The following ASH1L variants were observed in gnomAD, a reference collection of about 807,000 sequenced individuals.
ASH1L encodes ASH1 like histone lysine methyltransferase, also known as histone-lysine N-methyltransferase ASH1L.
Under a neutral mutation model 269.0 loss-of-function variants are expected in ASH1L, and 23 were observed. That is an observed-to-expected ratio of 0.09 (90% CI 0.06 to 0.12). The LOEUF (loss-of-function observed/expected upper bound fraction) is 0.12, where lower values mean the gene tolerates loss of function less well. Among genes scored for constraint, ASH1L ranks in the 10% least tolerant of loss-of-function variants. The pLI, the probability that ASH1L is intolerant of heterozygous loss-of-function variation, is 1.00. For synonymous variants in ASH1L, 1,187 were observed against 1,253.5 expected, an observed-to-expected ratio of 0.95 and a Z score of 1.12; for missense variants, 2,912 against 3,567.8, an observed-to-expected ratio of 0.82 and a Z score of 4.68.
chr1:155,548,889 A>T (rs1368307029), intron 1 of ASH1L, among the ~76,000 whole-genome samples: 2 of 152,178 alleles, frequency 1.3e-5, no homozygotes, highest in African/African-American at 2.4e-5. Context: ...TTAAACACTT[A>T]GTAGAAATCT....
intron 4 of ASH1L, among the ~76,000 whole-genome samples, chr1:155,453,291 GC>G (rs2148659808): frequency 6.6e-6 from 1 of 152,214 alleles, no homozygotes; most frequent in East Asian, 1.9e-4. Flanking sequence ...GGAGGCAAAG[GC>G]TGCAGTGAGC....
At chr1:155,413,620 A>C (rs1283607472) in intron 6 of ASH1L, among the ~76,000 whole-genome samples, 1 of 152,074 alleles carries the variant, frequency 6.6e-6, no homozygotes, top group East Asian at 1.9e-4. Flanking sequence ...CAAACAAACA[A>C]ACCAGAAAAC....
chr1:155,365,286 A>T (rs1571007652), intron 12 of ASH1L, among the ~76,000 whole-genome samples: 1 of 151,172 alleles, frequency 6.6e-6, no homozygotes, highest in Non-Finnish European at 1.5e-5. Context: ...GCTCACTGCA[A>T]CCTCCACCTC....
At chr1:155,452,569 C>CTTTTTTTTTTTTTTGGTTTTTTT (rs1571251711) in intron 4 of ASH1L, among the ~76,000 whole-genome samples, 1 of 127,320 alleles carries the variant, frequency 7.9e-6, no homozygotes. Flanking sequence ...TTTTTTTTTC[C>CTTTTTTTTTTTTTTGGTTTTTTT]TTTTTGAGAC....
At chr1:155,367,020 G>T (rs1655493480) in intron 12 of ASH1L, among the ~76,000 whole-genome samples, 2 of 140,338 alleles carry the variant, frequency 1.4e-5, no homozygotes, top group South Asian at 2.3e-4. Context: ...TTGAGATGGA[G>T]TCTTGCTCTG....
At chr1:155,415,177 A>C (rs966618425) in intron 6 of ASH1L, among the ~76,000 whole-genome samples, 1 of 151,944 alleles carries the variant, frequency 6.6e-6, no homozygotes, top group African/African-American at 2.4e-5. Flanking sequence ...AGGTCAGGAG[A>C]TCTAGACCAT....
At chr1:155,560,633 G>C (rs570934987) in intron 1 of ASH1L, among the ~76,000 whole-genome samples, 11 of 152,030 alleles carry the variant, frequency 7.2e-5, no homozygotes, top group African/African-American at 1.7e-4. Context: ...TTATCCTCAC[G>C]CCAAGGCATG....
intron 4 of ASH1L, among the ~76,000 whole-genome samples, chr1:155,451,487 C>T (rs575990941): frequency 2.6e-5 from 4 of 151,964 alleles, no homozygotes; most frequent in East Asian, 2.0e-4. Context: ...TAGGCAGGCG[C>T]GGTGGCTCAC....
At chr1:155,434,049 G>A (rs1425951541) in intron 5 of ASH1L, 8 of 1,592,366 alleles carry the variant, frequency 5.0e-6, no homozygotes, top group Non-Finnish European at 6.8e-6. Flanking sequence ...CAATCAAGCA[G>A]CGACTATGCA....
At chr1:155,527,361 T>A (rs1399501097) in intron 1 of ASH1L, among the ~76,000 whole-genome samples, 1 of 152,074 alleles carries the variant, frequency 6.6e-6, no homozygotes, top group African/African-American at 2.4e-5. Flanking sequence ...ACATACTGAT[T>A]ATACTTTCAC....
At chr1:155,374,581 C>T (rs975837102) in intron 10 of ASH1L, among the ~76,000 whole-genome samples, 1 of 152,178 alleles carries the variant, frequency 6.6e-6, no homozygotes, top group Non-Finnish European at 1.5e-5. Flanking sequence ...CTTTACTCTT[C>T]CGTTTGCTGA....
rs773833326 is a variant in ASH1L at position 155,482,088 on chromosome 1, G to C, written c.782C>G (p.Ser261Cys). The C allele has an allele frequency of 1.2e-6, 2 of 1,614,008 alleles. No homozygotes were observed. The highest frequency in any genetic ancestry group is 1.3e-5 in the African/African-American group (1 of 74,902). Residue 261 changes from serine (S) to cysteine (C), a missense_variant, in exon 3 of 28, where the codon TCT becomes TGT. By Grantham distance (112) the Ser-to-Cys change is moderately radical (BLOSUM62 -1). Around this residue, in one of 13 missense-constraint regions of ASH1L, gnomAD observed 277 missense variants for 367.7 expected, o/e 0.75. Transcript: ENST00000392403. ...GTCCTTATGTATTATTCCAGCTACA[G>C]AGCCAACACCTGCTTTCCTGATCAA... ...KDLIRKAGVG[S>C]VAGIIHKDLI...
intron 4 of ASH1L, 104 bp from the exon 5 acceptor site, chr1:155,439,172 A>G (rs1662346160): frequency 1.2e-5 from 14 of 1,196,984 alleles, no homozygotes; most frequent in Non-Finnish European, 1.5e-5. Context: ...TTTCCATAGC[A>G]AGATTACACA....
intron 6 of ASH1L, 127 bp from the exon 7 acceptor site, chr1:155,395,680 C>A (rs1396881596): frequency 3.6e-6 from 2 of 559,916 alleles, no homozygotes; most frequent in Admixed American, 4.0e-5. Flanking sequence ...AAAAAAAAAT[C>A]TTTACTTCTG....
intron 8 of ASH1L, among the ~76,000 whole-genome samples, chr1:155,379,774 T>C (rs917506368): frequency 2.6e-5 from 4 of 152,156 alleles, no homozygotes; most frequent in Non-Finnish European, 5.9e-5. Flanking sequence ...CAGAACAAAA[T>C]CTTTGCTACC....
chr1:155,433,975 G>A, intron 5 of ASH1L: 3 of 1,582,762 alleles, frequency 1.9e-6, no homozygotes, highest in Non-Finnish European at 2.6e-6. Flanking sequence ...ACATCGCCCA[G>A]CAGCTTGGGC....
intron 4 of ASH1L, among the ~76,000 whole-genome samples, chr1:155,440,082 G>A (rs1327211012): frequency 2.0e-5 from 3 of 152,074 alleles, no homozygotes; most frequent in Non-Finnish European, 4.4e-5. Flanking sequence ...GGCCGAGGTG[G>A]AAGGATCACT....
At chr1:155,435,765 T>A (rs1662035520) in intron 5 of ASH1L, among the ~76,000 whole-genome samples, 1 of 152,192 alleles carries the variant, frequency 6.6e-6, no homozygotes, top group Admixed American at 6.5e-5. Flanking sequence ...AAATATTAAA[T>A]ATGGGCCAGG....
chr1:155,562,711 C>T lies in ASH1L; in HGVS notation c.-658G>A, dbSNP rs1209892982. ...CGTACGCGCTCACCCACAGGAACCC[C>T]CTCGTCCAGTCCCTCACTACCCCTC... On this transcript the variant is annotated 5_prime_UTR_variant, in exon 1 of 28. Transcript: ENST00000392403. 1 of 1,463,218 alleles carries T rather than the reference C, an allele frequency of 6.8e-7. No individual in the cohort carries two copies. Among genetic ancestry groups the T allele is most frequent in the Non-Finnish European group, 9.2e-7 (1 of 1,085,164 alleles). The allele number at this position is 1,463,218 out of a possible 1,614,324, so 90.6% of individuals were successfully genotyped here.
Sources: gnomAD v4.1 joint callset for allele counts (sites outside exome capture counted in the v4.1 genomes callset) on GRCh38, gnomAD v4.1.1 for gene constraint, gnomAD v4.1.1 regional missense constraint, MANE v1.5 for transcripts, NCBI Gene and HGNC (gene_info 2026-07-23, HGNC 2026-07-21) for gene names.